Variants in POLA1 observed in about 807,000 individuals in gnomAD.
The protein encoded by POLA1 is DNA polymerase alpha 1, catalytic subunit.
Under a neutral mutation model 124.0 loss-of-function variants are expected in POLA1, and 15 were observed. The observed-to-expected ratio is 0.12, with a 90% CI of 0.08 to 0.19. POLA1 has a LOEUF of 0.19. Among genes scored for constraint, POLA1 ranks in the 10% least tolerant of loss-of-function variants. The pLI is 1.00. For synonymous variants in POLA1, 408 were observed against 389.4 expected, an observed-to-expected ratio of 1.05 and a Z score of -0.56; for missense variants, 886 against 1,103.4, an observed-to-expected ratio of 0.80 and a Z score of 2.79.
intron 36 of POLA1, among the ~76,000 whole-genome samples, chrX:24,944,127 G>A (rs2047936318): frequency 8.9e-6 from 1 of 111,844 alleles, no homozygotes; most frequent in Admixed American, 9.5e-5. Context: ...AGTGCATGGT[G>A]CGCCAGGTTA....
At chrX:24,835,564 T>G (rs972870917) in intron 32 of POLA1, among the ~76,000 whole-genome samples, 36 of 110,412 alleles carry the variant, frequency 3.3e-4, no homozygotes, top group Non-Finnish European at 5.3e-4. Flanking sequence ...TTTCTATTTT[T>G]TTTTTTCCTT....
At chrX:24,928,718 C>T (rs2047729502) in intron 35 of POLA1, among the ~76,000 whole-genome samples, 1 of 112,220 alleles carries the variant, frequency 8.9e-6, no homozygotes, top group African/African-American at 3.2e-5. Flanking sequence ...CCAGCAATTA[C>T]TGCTGAATCT....
rs77781915 is a variant in POLA1, at chrX:24,788,192, T to G, written c.2965-21706T>G. 1.5e-3 allele frequency among the ~76,000 whole-genome samples: 166 copies of G among 111,204 alleles called. 2 individuals carry two copies. In the East Asian group the frequency reaches 0.045, roughly 30 times the overall value. ...TTCATGATAAAAACCCCTCAACAAA[T>G]TAGATATGGAAGGAAAGTACCTCAA... On this transcript the variant is annotated intron_variant, in intron 26 of 36. Coordinates refer to ENST00000379068, the MANE Select transcript of POLA1 (RefSeq NM_001330360.2).
chrX:24,696,016 T>C (rs1175607869), intron 1 of POLA1, among the ~76,000 whole-genome samples: 1 of 112,746 alleles, frequency 8.9e-6, no homozygotes, highest in Non-Finnish European at 1.9e-5. Flanking sequence ...CTCTTAGGTA[T>C]GGTGTGTGTG....
rs34721601 is a variant in POLA1 at position 24,803,930 on chromosome X, T to TAAAAAAAAAAAA, written c.2965-5948_2965-5937dup. On this transcript the variant is annotated intron_variant, in intron 26 of 36. Coordinates refer to ENST00000379068, the MANE Select transcript of POLA1 (RefSeq NM_001330360.2). ...GTGCTCTGATTTCAGACCCTAGACT[T>TAAAAAAAAAAAA]AAAAAAAAAAAAAAAAAAAAAAAAA... is the stretch of plus-strand genomic sequence containing the variant. 3.6e-4 allele frequency among the ~76,000 whole-genome samples: 5 copies of TAAAAAAAAAAAA among 13,843 alleles called. 1 individual carries two copies. The highest frequency in any genetic ancestry group is 1.2e-3 in the African/African-American group (4 of 3,388). 12.0% of individuals were successfully genotyped at this position (13,843 alleles called of 115,157 possible).
At chrX:24,851,283 G>A (rs976771520) in intron 34 of POLA1, among the ~76,000 whole-genome samples, 19 of 112,374 alleles carry the variant, frequency 1.7e-4, no homozygotes, top group African/African-American at 5.5e-4. Context: ...ATGAGTTCAC[G>A]ATGTCCTGAG....
rs1441449599 is a variant in POLA1, at chrX:24,931,922, A to G, written c.4261+1373A>G. On this transcript the variant is annotated intron_variant, in intron 36 of 36. Coordinates refer to ENST00000379068, the MANE Select transcript of POLA1 (RefSeq NM_001330360.2). ...TATTACTTCTTTTTTTTTTTGAGACAGAGTCTTGCTCTGTTGCCCAGGCTG... is the reference window on the plus strand; with the variant it reads ...TATTACTTCTTTTTTTTTTTGAGACGGAGTCTTGCTCTGTTGCCCAGGCTG... Among the ~76,000 whole-genome samples, 15 of 111,133 alleles carry G rather than the reference A, an allele frequency of 1.3e-4. No individual in the cohort carries two copies. The East Asian group carries it at 4.0e-3, about 29-fold the overall frequency.
At chrX:24,773,347 A>G (rs1020669834) in intron 26 of POLA1, among the ~76,000 whole-genome samples, 1 of 111,910 alleles carries the variant, frequency 8.9e-6, no homozygotes, top group Non-Finnish European at 1.9e-5. Flanking sequence ...AATGTTATTT[A>G]CAGTGATTTT....
chrX:24,701,549 C>T lies in POLA1; in HGVS notation c.169-1702C>T, dbSNP rs149360418. Among the ~76,000 whole-genome samples, 319 of 108,368 alleles carry T rather than the reference C, an allele frequency of 2.9e-3. 5 individuals are homozygous for T. The highest frequency in any genetic ancestry group is 0.01 in the African/African-American group (310 of 29,556). The allele number at this position is 108,368 out of a possible 115,157, so 94.1% of individuals were successfully genotyped here. ...TTCCCAGGTTCAAGCGATTGTCCTGCTTCAGCCTCCCAAGTAGCTGGGATT... is the reference window on the plus strand; with the variant it reads ...TTCCCAGGTTCAAGCGATTGTCCTGTTTCAGCCTCCCAAGTAGCTGGGATT... On this transcript the variant is annotated intron_variant, in intron 2 of 36. Transcript: ENST00000379068.
intron 32 of POLA1, among the ~76,000 whole-genome samples, chrX:24,837,554 A>G (rs1457505940): frequency 8.9e-6 from 1 of 112,143 alleles, no homozygotes; most frequent in Non-Finnish European, 1.9e-5. Flanking sequence ...TAAAGCTGCT[A>G]TGAGCATTCT....
intron 35 of POLA1, among the ~76,000 whole-genome samples, chrX:24,921,892 T>TTGTG (rs755172411): frequency 9.5e-6 from 1 of 105,711 alleles, no homozygotes; most frequent in African/African-American, 3.8e-5. Flanking sequence ...GTTTTGCCTT[T>TTGTG]TGTGTGTGTG....
intron 34 of POLA1, among the ~76,000 whole-genome samples, chrX:24,879,140 G>A (rs965179413): frequency 9.0e-6 from 1 of 111,157 alleles, no homozygotes; most frequent in Non-Finnish European, 1.9e-5. Flanking sequence ...TTTTTCAGAA[G>A]TGAAGACTTG....
intron 26 of POLA1, chrX:24,789,027 G>A (rs2045435184): frequency 8.3e-7 from 1 of 1,207,846 alleles, no homozygotes; most frequent in Non-Finnish European, 1.1e-6. Flanking sequence ...TAATCGTTGA[G>A]CACCTGGAGG....
intron 34 of POLA1, among the ~76,000 whole-genome samples, chrX:24,850,654 C>T (rs1277536723): frequency 9.0e-6 from 1 of 111,357 alleles, no homozygotes; most frequent in Non-Finnish European, 1.9e-5. Flanking sequence ...AATATTGTTG[C>T]CTATTGAGGA....
intron 26 of POLA1, among the ~76,000 whole-genome samples, chrX:24,801,507 G>T (rs980857425): frequency 7.2e-5 from 8 of 111,768 alleles, no homozygotes; most frequent in Non-Finnish European, 1.9e-5. Flanking sequence ...CTTACCTTTT[G>T]TAAGAGAGTG....
chrX:24,806,202 C>T (rs2045798472), intron 26 of POLA1, among the ~76,000 whole-genome samples: 1 of 103,587 alleles, frequency 9.7e-6, no homozygotes, highest in South Asian at 4.6e-4. Context: ...CCTAATTTTC[C>T]TCATTTGTCA....
At chrX:24,702,664 G>A (rs770244966) in intron 2 of POLA1, among the ~76,000 whole-genome samples, 1 of 112,470 alleles carries the variant, frequency 8.9e-6, no homozygotes, top group Non-Finnish European at 1.9e-5. Context: ...GGATGGTGGA[G>A]TTTCAGTGGT....
At chrX:24,919,808 GTTTTTTT>G (rs1195362180) in intron 35 of POLA1, among the ~76,000 whole-genome samples, 1 of 20,276 alleles carries the variant, frequency 4.9e-5, no homozygotes, top group African/African-American at 2.1e-4. Flanking sequence ...TTTTTTTTTT[GTTTTTTT>G]TTTTGTTTTT....
chrX:24,734,496 T>C (rs893712933), intron 17 of POLA1: 1 of 112,265 alleles, frequency 8.9e-6, no homozygotes, highest in African/African-American at 3.2e-5. Flanking sequence ...GTTCTACTTA[T>C]TTTATTTAAT....
Sources: gnomAD v4.1 joint callset for allele counts (sites outside exome capture counted in the v4.1 genomes callset) on GRCh38, gnomAD v4.1.1 for gene constraint, MANE v1.5 for transcripts, NCBI Gene and HGNC (gene_info 2026-07-23, HGNC 2026-07-21) for gene names.